Variants in UNC13D observed in about 807,000 individuals in gnomAD.
UNC13D encodes the protein protein unc-13 homolog D.
A neutral mutation model predicts 151.7 loss-of-function variants in UNC13D; 115 were observed. That is an observed-to-expected ratio of 0.76 (90% confidence interval 0.65 to 0.88). The LOEUF is 0.88. Ranked by LOEUF, UNC13D falls within the 40% of genes least tolerant of loss-of-function variation. UNC13D has a pLI of 0.00. For missense variants in UNC13D, 1,369 were observed against 1,438.7 expected (o/e 0.95, Z 0.78); for synonymous variants, 588 against 612.2 (o/e 0.96, Z 0.58).
intron 31 of UNC13D, among the ~76,000 whole-genome samples, chr17:75,828,322 C>T (rs1205877396): frequency 6.6e-6 from 1 of 152,220 alleles, no homozygotes; most frequent in Non-Finnish European, 1.5e-5. Context: ...CAGCGAGGGG[C>T]TGAGATGTGC....
chr17:75,827,524 G>C lies in UNC13D; in HGVS notation c.*441C>G. On this transcript the variant is annotated 3_prime_UTR_variant, in exon 32 of 32. Coordinates refer to ENST00000207549, the MANE Select transcript of UNC13D (RefSeq NM_199242.3). ...GCAGCTGGAGCCTCATCTTTGGCAGGGTCCCCTCTCCCTTTTCCAGGAGAC... is the reference window on the plus strand; with the variant it reads ...GCAGCTGGAGCCTCATCTTTGGCAGCGTCCCCTCTCCCTTTTCCAGGAGAC... 1.3e-6 allele frequency: 2 copies of C among 1,531,606 alleles called. No individual in the cohort carries two copies. Among genetic ancestry groups the C allele is most frequent in the Non-Finnish European group, 1.7e-6 (2 of 1,144,044 alleles). The allele number at this position is 1,531,606 out of a possible 1,614,324, so 94.9% of individuals were successfully genotyped here.
At position 75,839,069 on chromosome 17, in the gene UNC13D, C is replaced by T. The variant is rs548032408; in HGVS notation, c.1055+770G>A. Among the ~76,000 whole-genome samples the T allele has an allele frequency of 2.7e-5, 4 of 150,130 alleles. No individual in the cohort carries two copies. In the South Asian group the frequency reaches 6.3e-4, roughly 24 times the overall value. Reference sequence around the variant, plus strand: ...GAGCCAAGATCGTGCCACTGCACTCCGGCCTGGGCGAAAGAGCAAGACTCT... The same window carrying T: ...GAGCCAAGATCGTGCCACTGCACTCTGGCCTGGGCGAAAGAGCAAGACTCT... On this transcript the variant is annotated intron_variant, in intron 12 of 31. Transcript: ENST00000207549.
intron 31 of UNC13D, among the ~76,000 whole-genome samples, 162 bp downstream of exon 31, chr17:75,828,625 T>C (rs2062140056): frequency 6.6e-6 from 1 of 152,212 alleles, no homozygotes; most frequent in Admixed American, 6.5e-5. Context: ...AGCTTAAAGT[T>C]CACTGGTCTC....
At position 75,840,473 on chromosome 17, in the gene UNC13D, C is replaced by T; in HGVS notation, c.753+34G>A. On this transcript the variant is annotated intron_variant, in intron 9 of 31. Coordinates refer to ENST00000207549, the MANE Select transcript of UNC13D (RefSeq NM_199242.3). The surrounding 1 kb of genome is among the most constrained non-coding windows in gnomAD (Gnocchi z 4.6). ...ACCCCTCCCAACCCCCTCCCTCTGC[C>T]TCGCTCCTGGGCCCCTTTCCTCATC... 1 of 1,613,806 alleles carries T rather than the reference C, an allele frequency of 6.2e-7. No individual in the cohort carries two copies. Among genetic ancestry groups the T allele is most frequent in the Non-Finnish European group, 8.5e-7 (1 of 1,179,758 alleles).
chr17:75,828,456 G>C (rs954094648), intron 31 of UNC13D, among the ~76,000 whole-genome samples: 1 of 152,238 alleles, frequency 6.6e-6, no homozygotes, highest in Non-Finnish European at 1.5e-5. Flanking sequence ...AATGCATAAA[G>C]TGCTTAGCAC....
intron 13 of UNC13D, 29 bp downstream of exon 13, chr17:75,836,772 C>T (rs1183148223): frequency 6.2e-7 from 1 of 1,613,556 alleles, no homozygotes; most frequent in Non-Finnish European, 8.5e-7. Flanking sequence ...GCCCTGCCTG[C>T]TCAGTGCCCC....
At position 75,830,164 on chromosome 17, in the gene UNC13D, C is replaced by T. The variant is rs1005334519; in HGVS notation, c.2831-13G>A. 17 of 1,585,896 alleles carry T rather than the reference C, an allele frequency of 1.1e-5. No individual in the cohort carries two copies. The highest frequency in any genetic ancestry group is 8.1e-5 in the South Asian group (7 of 86,630). On this transcript the variant is annotated splice_polypyrimidine_tract_variant and intron_variant, in intron 29 of 31. Coordinates refer to ENST00000207549, the MANE Select transcript of UNC13D (RefSeq NM_199242.3). The stretch of plus-strand genomic sequence containing the variant: ...GGGTCGCTGGAGCCTGGTAAGTGGC[C>T]GGGGAGTGTGCGTCAGCTGAGGGTC...
intron 29 of UNC13D, 25 bp downstream of exon 29, chr17:75,830,337 G>A: frequency 3.1e-6 from 5 of 1,589,698 alleles, no homozygotes; most frequent in Non-Finnish European, 3.4e-6. Context: ...ACCATGGAGA[G>A]TGGCCAAAGG....
chr17:75,836,183 C>T lies in UNC13D; in HGVS notation c.1446+17G>A, dbSNP rs1202256154. 6.2e-7 allele frequency: 1 copy of T among 1,610,082 alleles called. No homozygotes were observed. Among genetic ancestry groups the T allele is most frequent in the Non-Finnish European group, 8.5e-7 (1 of 1,178,838 alleles). ...CCCCCCGTGACCCCCTGCCCTCCCC[C>T]TTGCCCAGCCCCTCACCTGCACCAT... is the stretch of plus-strand genomic sequence containing the variant. On this transcript the variant is annotated intron_variant, in intron 16 of 31. Coordinates refer to ENST00000207549, the MANE Select transcript of UNC13D (RefSeq NM_199242.3).
intron 4 of UNC13D, 32 bp downstream of exon 4, chr17:75,842,981 TC>T: frequency 6.2e-7 from 1 of 1,612,902 alleles, no homozygotes; most frequent in Non-Finnish European, 8.5e-7. Flanking sequence ...CCCAGGCCCC[TC>T]CTTGCCCAGG....
intron 4 of UNC13D, 43 bp downstream of exon 4, chr17:75,842,971 C>T (rs763861213): frequency 1.2e-6 from 2 of 1,613,022 alleles, no homozygotes; most frequent in Non-Finnish European, 1.7e-6. Flanking sequence ...GGCTGGGCTT[C>T]CCAGGCCCCT....
intron 31 of UNC13D, among the ~76,000 whole-genome samples, 182 bp from the exon 32 acceptor site, chr17:75,828,268 G>A (rs2062137905): frequency 6.6e-6 from 1 of 152,222 alleles, no homozygotes; most frequent in Admixed American, 6.5e-5. Context: ...CATCCGGTCG[G>A]GTCGCGTAAC....
In UNC13D at chr17:75,833,017, T is replaced by A. The variant is rs753813893; in HGVS notation, c.2396A>T (p.Glu799Val). ...GGTGTTCATGTAGCAAAGCTCCACC[T>A]CCAGGAACTTCATCAGGGGCAGAAT... ...DAILPLMKFL[E>V]VELCYMNTNL... The change falls in exon 25 of 32, where the codon GAG becomes GTG. Residue 799 changes from glutamate to valine, a missense_variant. By Grantham distance (121) the Glu-to-Val change is moderately radical (BLOSUM62 -2). This residue lies in a region of UNC13D where 807 missense variants were observed against 795.5 expected (regional missense o/e 1.01). Coordinates refer to ENST00000207549, the MANE Select transcript of UNC13D (RefSeq NM_199242.3). The surrounding 1 kb of genome is among the most constrained non-coding windows in gnomAD (Gnocchi z 4.0). 6.2e-7 allele frequency: 1 copy of A among 1,605,062 alleles called. No individual in the cohort carries two copies. The highest frequency in any genetic ancestry group is 1.3e-5 in the African/African-American group (1 of 74,888).
At chr17:75,835,087 G>A (rs374932240) in intron 20 of UNC13D, 24 bp from the exon 21 acceptor site, 24 of 1,613,174 alleles carry the variant, frequency 1.5e-5, no homozygotes, top group African/African-American at 2.7e-5. Flanking sequence ...GGAGGACTCA[G>A]GATACTGCCA....
At chr17:75,828,200 G>A in intron 31 of UNC13D, 114 bp from the exon 32 acceptor site, 5 of 1,452,424 alleles carry the variant, frequency 3.4e-6, no homozygotes, top group South Asian at 1.3e-5. Context: ...CCAACAACCT[G>A]GAAGGAAACA....
At position 75,840,040 on chromosome 17, in the gene UNC13D, G is replaced by A. The variant is rs757125102; in HGVS notation, c.929C>T (p.Ser310Phe). The change falls in exon 11 of 32, where the codon TCC becomes TTC. Residue 310 changes from serine to phenylalanine, a missense_variant. Around this residue, in one of 3 missense-constraint regions of UNC13D, gnomAD observed 550 missense variants for 609.0 expected, o/e 0.90. Coordinates refer to ENST00000207549, the MANE Select transcript of UNC13D (RefSeq NM_199242.3). The surrounding 1 kb of genome is among the most constrained non-coding windows in gnomAD (Gnocchi z 4.6). ...TACCTCGTGCTGGGTGACCTCGTGG[G>A]ACACAAGCTGCTGCAGGAGGTGGAG... ...VHLHLLQQLV[S>F]HEVTQHEAGS... 48 of 1,613,502 alleles carry A rather than the reference G, an allele frequency of 3.0e-5. No homozygotes were observed. The highest frequency in any genetic ancestry group is 1.7e-4 in the Middle Eastern group (1 of 6,046).
At position 75,834,375 on chromosome 17, in the gene UNC13D, C is replaced by A; in HGVS notation, c.2248G>T (p.Ala750Ser). Reference sequence around the variant, plus strand: ...GTGCGGATCTCATGGCCCAGCCCGGCCAGCGCGCTCTGCAGCTGGGCATGC... The same window carrying A: ...GTGCGGATCTCATGGCCCAGCCCGGACAGCGCGCTCTGCAGCTGGGCATGC... ...TLHAQLQSALAGLGHEIRTGV... is the reference protein window; with the variant it reads ...TLHAQLQSALSGLGHEIRTGV... The change falls in exon 23 of 32, where the codon GCC becomes TCC. Residue 750 changes from alanine to serine, a missense_variant. Coordinates refer to ENST00000207549, the MANE Select transcript of UNC13D (RefSeq NM_199242.3). 1 of 1,593,110 alleles carries A rather than the reference C, an allele frequency of 6.3e-7. No individual in the cohort carries two copies. Among genetic ancestry groups the A allele is most frequent in the Non-Finnish European group, 8.5e-7 (1 of 1,177,868 alleles).
chr17:75,831,951 C>T (rs764942793), intron 25 of UNC13D: 9 of 155,706 alleles, frequency 5.8e-5, no homozygotes, highest in Non-Finnish European at 1.1e-4. Flanking sequence ...CAGAGCAAGA[C>T]TCCATCTCAA....
rs1304949474 is a variant in UNC13D at position 75,827,400 on chromosome 17, AG to A, written c.*564del. On this transcript the variant is annotated 3_prime_UTR_variant, in exon 32 of 32. Transcript: ENST00000207549. ...TGCCAGCTCTTGCTCCCTCAGAGCC[AG>A]AAGGTTCTTGGCTCCAGGCTTCCTG... 21 of 1,389,752 alleles carry A rather than the reference AG, an allele frequency of 1.5e-5. No homozygotes were observed. The highest frequency in any genetic ancestry group is 2.0e-5 in the Non-Finnish European group (21 of 1,068,652). 86.1% of individuals were successfully genotyped at this position (1,389,752 alleles called of 1,614,324 possible). A position where few individuals can be genotyped will look rare whatever the true frequency, so the allele number is the denominator to read the frequency against.
Sources: gnomAD v4.1 joint callset for allele counts (sites outside exome capture counted in the v4.1 genomes callset) on GRCh38, gnomAD v4.1.1 for gene constraint, gnomAD v4.1.1 regional missense constraint, Gnocchi (gnomAD v3.1) non-coding constraint, MANE v1.5 for transcripts, NCBI Gene and HGNC (gene_info 2026-07-23, HGNC 2026-07-21) for gene names.